Variants in FLNB observed in about 807,000 individuals in gnomAD.
FLNB encodes the protein filamin B.
A neutral mutation model predicts 250.6 loss-of-function variants in FLNB; 111 were observed. The observed-to-expected ratio is 0.44, with a 90% CI of 0.38 to 0.52. The LOEUF (loss-of-function observed/expected upper bound fraction) is 0.52, where lower values mean the gene tolerates loss of function less well. FLNB is among the 20% of genes least tolerant of loss of function. The pLI, the probability that FLNB is intolerant of heterozygous loss-of-function variation, is 0.00. For missense variants in FLNB, 2,869 were observed against 3,447.8 expected, an observed-to-expected ratio of 0.83 and a Z score of 4.20; for synonymous variants, 1,302 against 1,372.1, an observed-to-expected ratio of 0.95 and a Z score of 1.13.
chr3:58,119,444 C>T (rs1559706736), intron 19 of FLNB, among the ~76,000 whole-genome samples: 1 of 152,228 alleles, frequency 6.6e-6, no homozygotes. Context: ...TGCCAAATCC[C>T]TGGCACTCAG....
At chr3:58,034,550 G>C (rs1470279929) in intron 1 of FLNB, among the ~76,000 whole-genome samples, 1 of 152,120 alleles carries the variant, frequency 6.6e-6, no homozygotes, top group Admixed American at 6.6e-5. Context: ...TTACAAATGA[G>C]GAAACCGAGG....
chr3:58,023,529 A>C (rs941363657), intron 1 of FLNB, among the ~76,000 whole-genome samples: 2 of 152,244 alleles, frequency 1.3e-5, no homozygotes, highest in African/African-American at 4.8e-5. Flanking sequence ...TTCTACTTTT[A>C]GGGGATTTTG....
At chr3:58,105,356 C>G in intron 11 of FLNB, 140 bp downstream of exon 11, 2 of 1,010,940 alleles carry the variant, frequency 2.0e-6, no homozygotes, top group Non-Finnish European at 3.1e-6. Context: ...TAAGCCATCT[C>G]TGCGTGCTGC....
Position 58,153,489 on chromosome 3 carries a change from A to T in FLNB, c.6482A>T (p.Glu2161Val). 6.2e-7 allele frequency: 1 copy of T among 1,614,212 alleles called. No homozygotes were observed. Among genetic ancestry groups the T allele is most frequent in the Non-Finnish European group, 8.5e-7 (1 of 1,180,050 alleles). Residue 2161 changes from glutamate to valine, a missense_variant, in exon 39 of 46, where the codon GAG becomes GTG. Physicochemically the swap from Glu to Val is moderately radical, Grantham distance 121 (BLOSUM62 -2). This residue lies in a region of FLNB where 1,084 missense variants were observed against 1,315.5 expected (regional missense o/e 0.82). Coordinates refer to ENST00000295956, the MANE Select transcript of FLNB (RefSeq NM_001457.4). ...CACTGCGTCCGGTTTGTGCCCCAGG[A>T]GATGGGCGTGCACACGGTCAGCGTC... is the stretch of plus-strand genomic sequence containing the variant. ...NSHCVRFVPQEMGVHTVSVKY... is the reference protein window; with the variant it reads ...NSHCVRFVPQVMGVHTVSVKY...
chr3:58,046,461 T>TC (rs2097154378), intron 1 of FLNB, among the ~76,000 whole-genome samples: 1 of 151,798 alleles, frequency 6.6e-6, no homozygotes, highest in African/African-American at 2.4e-5. Flanking sequence ...AATTGTTTTT[T>TC]TTTTTTTGGA....
rs140018418 is a variant in FLNB, at chr3:58,130,825, G to C, written c.4307G>C (p.Arg1436Pro). ...IAGPGLGSGV[R>P]ARVLQSFTVD... Reference sequence around the variant, plus strand: ...GGCCCCGGGCTGGGCTCAGGCGTCCGAGCCCGTGTCCTGCAGTCCTTCACG... The same window carrying C: ...GGCCCCGGGCTGGGCTCAGGCGTCCCAGCCCGTGTCCTGCAGTCCTTCACG... Residue 1436 changes from arginine (R) to proline (P), a missense_variant, in exon 25 of 46, where the codon CGA becomes CCA. Arg to Pro is a moderately radical substitution (Grantham distance 103, BLOSUM62 -2). Coordinates refer to ENST00000295956, the MANE Select transcript of FLNB (RefSeq NM_001457.4). 1.2e-6 allele frequency: 2 copies of C among 1,613,578 alleles called. No homozygotes were observed. The highest frequency in any genetic ancestry group is 8.5e-7 in the Non-Finnish European group (1 of 1,179,906).
At chr3:58,109,085 G>C in intron 13 of FLNB, 94 bp from the exon 14 acceptor site, 1 of 1,485,810 alleles carries the variant, frequency 6.7e-7, no homozygotes. Context: ...GTATAAGCAA[G>C]TGGTGACTTG....
At position 58,118,713 on chromosome 3, in the gene FLNB, G is replaced by A. The variant is rs746855891; in HGVS notation, c.2746-159G>A. Among the ~76,000 whole-genome samples the A allele has an allele frequency of 2.0e-5, 3 of 152,216 alleles. No individual in the cohort carries two copies. Among genetic ancestry groups the A allele is most frequent in the Non-Finnish European group, 4.4e-5 (3 of 68,014 alleles). ...AATTTTTCTGTTATTCTTGCCTTGT[G>A]GTCAAAAGCTAGAAGAAATAGATCT... On this transcript the variant is annotated intron_variant, in intron 18 of 45. Transcript: ENST00000295956.
Position 58,169,734 on chromosome 3 carries a change from G to A in FLNB, c.7562G>A (p.Gly2521Glu). Residue 2521 changes from glycine (G) to glutamate (E), a missense_variant, in exon 45 of 46, where the codon GGG becomes GAG. By Grantham distance (98) the Gly-to-Glu change is moderately conservative. This residue lies in a region of FLNB where 1,084 missense variants were observed against 1,315.5 expected (regional missense o/e 0.82). Transcript: ENST00000295956. This position sits in a 1 kb window ranked among gnomAD's most constrained non-coding sequence, Gnocchi z 4.8. ...DASKVTSKGA[G>E]LSKAFVGQKS... ...AGCAAGGTGACCTCTAAGGGGGCAG[G>A]GCTCTCAAAGGCCTTTGTGGGCCAG... 6.2e-7 allele frequency: 1 copy of A among 1,614,138 alleles called. No homozygotes were observed. Among genetic ancestry groups the A allele is most frequent in the Non-Finnish European group, 8.5e-7 (1 of 1,180,022 alleles).
Position 58,146,826 on chromosome 3 carries a change from T to A in FLNB, c.5561T>A (p.Leu1854Gln). ...IVTEDAGEGG[L>Q]DLAIEGPSKA... ...TCCCTGTTCCCACTTGTAGGTGGTC[T>A]GGACTTGGCTATTGAGGGCCCCTCA... is the stretch of plus-strand genomic sequence containing the variant. The change falls in exon 34 of 46, where the codon CTG (leucine) becomes CAG (glutamine). Residue 1854 changes from leucine to glutamine, a missense_variant. Leu to Gln is a moderately radical substitution (Grantham distance 113). Around this residue, in one of 5 missense-constraint regions of FLNB, gnomAD observed 1,084 missense variants for 1,315.5 expected, o/e 0.82. Transcript: ENST00000295956. The A allele has an allele frequency of 2.5e-6, 4 of 1,614,234 alleles. No individual in the cohort carries two copies. The highest frequency in any genetic ancestry group is 3.4e-6 in the Non-Finnish European group (4 of 1,180,040).
chr3:58,131,940 T>C (rs1277366805), intron 25 of FLNB: 1 of 1,536,912 alleles, frequency 6.5e-7, no homozygotes, highest in East Asian at 2.4e-5. Context: ...ACGACACGGA[T>C]TCCCAGTCAT....
Position 58,123,779 on chromosome 3 carries a change from C to T in FLNB, c.3724+89C>T. On this transcript the variant is annotated intron_variant, in intron 21 of 45. Transcript: ENST00000295956. ...AAACTTGGAGCTGCAAACTCAGCCA[C>T]CTGCAGGAGCCAGGTGACATATAAG... is the stretch of plus-strand genomic sequence containing the variant. 5 of 1,101,668 alleles carry T rather than the reference C, an allele frequency of 4.5e-6. No homozygotes were observed. The East Asian group carries it at 1.3e-4, about 28-fold the overall frequency. 68.2% of individuals were successfully genotyped at this position (1,101,668 alleles called of 1,614,324 possible).
chr3:58,088,769 C>T (rs2097221297), intron 4 of FLNB, among the ~76,000 whole-genome samples: 1 of 152,230 alleles, frequency 6.6e-6, no homozygotes, highest in Non-Finnish European at 1.5e-5. Context: ...AAAAACTATG[C>T]AGCCCCACAC....
intron 43 of FLNB, among the ~76,000 whole-genome samples, chr3:58,167,793 G>T (rs1225276210): frequency 6.6e-6 from 1 of 152,254 alleles, no homozygotes; most frequent in East Asian, 1.9e-4. Context: ...TCACGGAAAG[G>T]ATTCCATACC....
At chr3:58,054,485 A>G (rs1386622766) in intron 1 of FLNB, among the ~76,000 whole-genome samples, 1 of 152,184 alleles carries the variant, frequency 6.6e-6, no homozygotes, top group Non-Finnish European at 1.5e-5. Context: ...ATTGATTCCC[A>G]GTTCCACAGG....
At chr3:58,158,369 A>G (rs1206112257) in intron 41 of FLNB, among the ~76,000 whole-genome samples, 2 of 152,226 alleles carry the variant, frequency 1.3e-5, no homozygotes, top group Admixed American at 6.5e-5. Context: ...ATATGTATAT[A>G]TGGCCTCGTG....
chr3:58,075,332 C>T (rs140198717), intron 1 of FLNB, among the ~76,000 whole-genome samples: 1,744 of 152,156 alleles, frequency 0.011, 16 homozygotes, highest in Non-Finnish European at 0.018. Context: ...AGTGAAGTGC[C>T]ACCAGCTGTA....
At chr3:58,067,886 TAAAAAC>T (rs1470354030) in intron 1 of FLNB, among the ~76,000 whole-genome samples, 1 of 152,206 alleles carries the variant, frequency 6.6e-6, no homozygotes, top group Non-Finnish European at 1.5e-5. Flanking sequence ...GAGGTTTTCT[TAAAAAC>T]AATAACAACA....
chr3:58,117,848 A>T (rs1362623999), intron 18 of FLNB, among the ~76,000 whole-genome samples: 2 of 150,934 alleles, frequency 1.3e-5, no homozygotes, highest in African/African-American at 4.8e-5. Context: ...GAATGTGACA[A>T]AATATACATA....
Sources: allele counts gnomAD v4.1 joint callset (sites outside exome capture counted in the v4.1 genomes callset), GRCh38; gene constraint gnomAD v4.1.1; regional missense constraint gnomAD v4.1.1; non-coding constraint Gnocchi (gnomAD v3.1); transcripts MANE v1.5; gene names NCBI Gene and HGNC (gene_info 2026-07-23, HGNC 2026-07-21).